ECE1: variants seen among roughly 807,000 people sequenced by gnomAD.
The protein encoded by ECE1 is endothelin-converting enzyme 1.
Under a neutral mutation model 98.6 loss-of-function variants are expected in ECE1, and 35 were observed. The observed-to-expected ratio is 0.35, with a 90% confidence interval of 0.27 to 0.47. The LOEUF is 0.47. Among genes scored for constraint, ECE1 ranks in the 20% least tolerant of loss-of-function variants. ECE1 has a pLI of 1.00. For synonymous variants in ECE1, 394 were observed against 407.1 expected (o/e 0.97, Z 0.39); for missense variants, 814 against 1,025.3 (o/e 0.79, Z 2.81).
At position 21,233,628 on chromosome 1, in the gene ECE1, C is replaced by A; in HGVS notation, c.1600G>T (p.Ala534Ser). 6.2e-7 allele frequency: 1 copy of A among 1,613,990 alleles called. No homozygotes were observed. The highest frequency in any genetic ancestry group is 8.5e-7 in the Non-Finnish European group (1 of 1,179,962). ...TAVPDLYFEN[A>S]MRFFNFSWRV... Reference sequence around the variant, plus strand: ...CATGAGAAGTTGAAAAACCGCATGGCATTTTCAAAGTAGAGGTCTGGAACT... The same window carrying A: ...CATGAGAAGTTGAAAAACCGCATGGAATTTTCAAAGTAGAGGTCTGGAACT... The change falls in exon 14 of 19, where the codon GCC (alanine) becomes TCC (serine). Residue 534 changes from alanine (A) to serine (S), a missense_variant. Ala to Ser is a moderately conservative substitution (Grantham distance 99). Around this residue, in one of 3 missense-constraint regions of ECE1, gnomAD observed 452 missense variants for 567.3 expected, o/e 0.80. Transcript: ENST00000374893. This position sits in a 1 kb window ranked among gnomAD's most constrained non-coding sequence, Gnocchi z 4.0.
At position 21,290,326 on chromosome 1, in the gene ECE1, G is replaced by A. The variant is rs2098265354; in HGVS notation, c.51+38C>T. The A allele has an allele frequency of 4.6e-6, 5 of 1,095,704 alleles. No individual in the cohort carries two copies. Among genetic ancestry groups the A allele is most frequent in the Non-Finnish European group, 5.6e-6 (5 of 899,990 alleles). 67.9% of individuals were successfully genotyped at this position (1,095,704 alleles called of 1,614,324 possible). A position where few individuals can be genotyped will look rare whatever the true frequency, so the allele number is the denominator to read the frequency against. On this transcript the variant is annotated intron_variant, in intron 1 of 18. Coordinates refer to ENST00000374893, the MANE Select transcript of ECE1 (RefSeq NM_001397.3). The surrounding 1 kb of genome is among the most constrained non-coding windows in gnomAD (Gnocchi z 7.3). ...GCCCGCGCGGGGAGGGGTCCCGCCC[G>A]CCTCCCGCCCCCGCCCTCCAGGCCG...
At chr1:21,342,607 T>TACACATAC (rs1161666338) in intron 1 of ECE1, among the ~76,000 whole-genome samples, 66 of 139,826 alleles carry the variant, frequency 4.7e-4, no homozygotes, top group African/African-American at 5.1e-4. Context: ...CACACACAGA[T>TACACATAC]ACACACACAC....
intron 2 of ECE1, among the ~76,000 whole-genome samples, chr1:21,287,972 A>C (rs2098262482): frequency 6.8e-6 from 1 of 146,012 alleles, no homozygotes; most frequent in Non-Finnish European, 1.5e-5. Flanking sequence ...AAAAAAAAAA[A>C]ACAATGATTG....
At position 21,260,113 on chromosome 1, in the gene ECE1, G is replaced by A. The variant is rs1007758159; in HGVS notation, c.615+158C>T. Among the ~76,000 whole-genome samples the A allele has an allele frequency of 6.6e-6, 1 of 152,192 alleles. No homozygotes were observed. Among genetic ancestry groups the A allele is most frequent in the Non-Finnish European group, 1.5e-5 (1 of 68,036 alleles). On this transcript the variant is annotated intron_variant, in intron 5 of 18. Transcript: ENST00000374893. The surrounding 1 kb of genome is among the most constrained non-coding windows in gnomAD (Gnocchi z 4.3). ...ACGCAATGTGCTCACACTCACATGT[G>A]CTCTCGCACACTCGCTCTCTCTCTT...
Position 21,228,080 on chromosome 1 carries a change from C to G in ECE1, c.1671-39G>C, listed in dbSNP as rs3026901. ...ACATGCAGGAGGTCTCAGCACAGGG[C>G]GGGAGGCAGGTGGGGACAGCCTGCC... On this transcript the variant is annotated intron_variant, in intron 14 of 18. Coordinates refer to ENST00000374893, the MANE Select transcript of ECE1 (RefSeq NM_001397.3). 12 of 1,512,452 alleles carry G rather than the reference C, an allele frequency of 7.9e-6. No individual in the cohort carries two copies. In the South Asian group the frequency reaches 1.4e-4, roughly 18 times the overall value. The allele number at this position is 1,512,452 out of a possible 1,614,324, so 93.7% of individuals were successfully genotyped here.
At position 21,309,544 on chromosome 1, in the gene ECE1, C is replaced by T. The variant is rs115157636; in HGVS notation, c.4-19388G>A. 5.9e-3 allele frequency among the ~76,000 whole-genome samples: 900 copies of T among 152,254 alleles called. 9 individuals carry two copies. Among genetic ancestry groups the T allele is most frequent in the African/African-American group, 0.021 (864 of 41,544 alleles). ...TGCGTCGGAGCTCTGCTCTGTGGCACGAGGCCCTTCAGGATCTGCCCGGAC... is the reference window on the plus strand; with the variant it reads ...TGCGTCGGAGCTCTGCTCTGTGGCATGAGGCCCTTCAGGATCTGCCCGGAC... On this transcript the variant is annotated intron_variant, in intron 1 of 18. Coordinates refer to the ECE1 transcript ENST00000415912.
At chr1:21,325,187 A>C (rs968649244) in intron 1 of ECE1, among the ~76,000 whole-genome samples, 6 of 152,182 alleles carry the variant, frequency 3.9e-5, no homozygotes, top group Admixed American at 6.5e-5. Flanking sequence ...GACTAGATGA[A>C]CCATAAACTG....
In ECE1 at chr1:21,222,024, A is replaced by C. The variant is rs541153698; in HGVS notation, c.2041-182T>G. 7 of 664,440 alleles carry C rather than the reference A, an allele frequency of 1.1e-5. No individual in the cohort carries two copies. In the African/African-American group the frequency reaches 1.3e-4, roughly 12 times the overall value. 41.2% of individuals were successfully genotyped at this position (664,440 alleles called of 1,614,324 possible). Reference sequence around the variant, plus strand: ...GTGCACTCGTTTAGCCCTATGGCTTAAAATACCTTCTACGCACTGATGGCT... The same window carrying C: ...GTGCACTCGTTTAGCCCTATGGCTTCAAATACCTTCTACGCACTGATGGCT... On this transcript the variant is annotated intron_variant, in intron 17 of 18. Transcript: ENST00000374893.
rs763498425 is a variant in ECE1, at chr1:21,307,054, G to C, written c.4-16898C>G. On this transcript the variant is annotated intron_variant, in intron 1 of 18. Transcript: ENST00000415912. This position sits in a 1 kb window ranked among gnomAD's most constrained non-coding sequence, Gnocchi z 4.2. ...AGGACTGAGCCAACTCTTGGGCTTA[G>C]GATGACTGAGGTCCACCGAGGACTC... 4.0e-4 allele frequency among the ~76,000 whole-genome samples: 61 copies of C among 152,242 alleles called. No individual in the cohort carries two copies. The highest frequency in any genetic ancestry group is 3.4e-3 in the Middle Eastern group (1 of 294).
Position 21,220,243 on chromosome 1 carries a change from C to G in ECE1, c.2137-112G>C. 1 of 1,260,210 alleles carries G rather than the reference C, an allele frequency of 7.9e-7. No homozygotes were observed. The highest frequency in any genetic ancestry group is 1.1e-6 in the Non-Finnish European group (1 of 926,574). The allele number at this position is 1,260,210 out of a possible 1,614,324, so 78.1% of individuals were successfully genotyped here. ...AGGTGCGGTGGCTCACACCTGTAAT[C>G]CCAGCACTTTGGGAGCCAAGGTGGA... is the stretch of plus-strand genomic sequence containing the variant. On this transcript the variant is annotated intron_variant, in intron 18 of 18. Coordinates refer to ENST00000374893, the MANE Select transcript of ECE1 (RefSeq NM_001397.3). The surrounding 1 kb of genome is among the most constrained non-coding windows in gnomAD (Gnocchi z 5.0).
chr1:21,274,825 G>A (rs1465658365), intron 3 of ECE1, among the ~76,000 whole-genome samples: 1 of 152,140 alleles, frequency 6.6e-6, no homozygotes. Context: ...ACAGCCGAGA[G>A]GTGTGCCATA....
Position 21,221,801 on chromosome 1 carries a change from C to A in ECE1, c.2082G>T (p.Ser694=). The stretch of plus-strand genomic sequence containing the variant: ...TATTGGTGAGGCCCAGGGTGGGGAG[C>A]GAGTGCTCAGCCCCGTTCTTCTTCA... ...NWVKKNGAEH[S]LPTLGLTNNQ... is the part of the protein sequence containing the mutation. The change falls in exon 18 of 19, where the codon TCG becomes TCT. Residue 694 remains serine (S), a synonymous_variant. Coordinates refer to ENST00000374893, the MANE Select transcript of ECE1 (RefSeq NM_001397.3). 6.2e-7 allele frequency: 1 copy of A among 1,614,178 alleles called. No homozygotes were observed. Among genetic ancestry groups the A allele is most frequent in the South Asian group, 1.1e-5 (1 of 91,082 alleles).
At chr1:21,341,809 C>CTTTTT in intron 1 of ECE1, among the ~76,000 whole-genome samples, 1 of 145,872 alleles carries the variant, frequency 6.9e-6, no homozygotes, top group South Asian at 2.2e-4. Flanking sequence ...TTCTCCCTAC[C>CTTTTT]TTTTTTTTTT....
chr1:21,245,806 T>A (rs1333403555), intron 9 of ECE1, among the ~76,000 whole-genome samples: 1 of 152,130 alleles, frequency 6.6e-6, no homozygotes, highest in Non-Finnish European at 1.5e-5. Flanking sequence ...ATGTTCAGGA[T>A]ACAGGTCAAG....
chr1:21,275,589 C>T (rs1054352263), intron 3 of ECE1, among the ~76,000 whole-genome samples: 2 of 152,218 alleles, frequency 1.3e-5, no homozygotes, highest in Admixed American at 1.3e-4. Flanking sequence ...GAGTGAGACT[C>T]TGTCTCAAAT....
At chr1:21,314,677 G>A (rs751087922) in intron 1 of ECE1, among the ~76,000 whole-genome samples, 1 of 152,190 alleles carries the variant, frequency 6.6e-6, no homozygotes, top group Non-Finnish European at 1.5e-5. Context: ...CTTCCTGACT[G>A]TCCTGGCTCA....
At chr1:21,326,480 G>A (rs540039869) in intron 1 of ECE1, among the ~76,000 whole-genome samples, 1 of 152,232 alleles carries the variant, frequency 6.6e-6, no homozygotes, top group South Asian at 2.1e-4. Context: ...GGGAGAAGAA[G>A]GTGCCTAAGC....
At chr1:21,249,203 C>T (rs1036759019) in intron 8 of ECE1, among the ~76,000 whole-genome samples, 8 of 151,008 alleles carry the variant, frequency 5.3e-5, no homozygotes, top group African/African-American at 1.5e-4. Flanking sequence ...ATTAGCTGGG[C>T]GTGGTGGTAC....
intron 14 of ECE1, among the ~76,000 whole-genome samples, chr1:21,230,965 A>C (rs1164852550): frequency 6.6e-6 from 1 of 151,880 alleles, no homozygotes; most frequent in Non-Finnish European, 1.5e-5. Flanking sequence ...AGTAACTGGG[A>C]TTACAGGCAT....
Sources: gnomAD v4.1 joint callset for allele counts (sites outside exome capture counted in the v4.1 genomes callset) on GRCh38, gnomAD v4.1.1 for gene constraint, gnomAD v4.1.1 regional missense constraint, Gnocchi (gnomAD v3.1) non-coding constraint, MANE v1.5 for transcripts, NCBI Gene and HGNC (gene_info 2026-07-23, HGNC 2026-07-21) for gene names.